Variants in LRRC51 observed in about 807,000 individuals in gnomAD.
LRRC51 encodes leucine rich repeat containing 51.
LRRC51 carries 8 observed loss-of-function variants against 17.8 expected under a neutral mutation model. That is an observed-to-expected ratio of 0.45 (90% CI 0.26 to 0.81). The LOEUF (loss-of-function observed/expected upper bound fraction) is 0.81, where lower values mean the gene tolerates loss of function less well. Ranked by LOEUF, LRRC51 falls within the 30% of genes least tolerant of loss-of-function variation. The pLI is 0.17. For synonymous variants in LRRC51, 92 were observed against 96.0 expected (o/e 0.96, Z 0.24); for missense variants, 233 against 239.3 (o/e 0.97, Z 0.17).
chr11:72,095,155 G>A (rs1945110713), intron 5 of LRRC51, 59 bp downstream of exon 5: 4 of 1,597,146 alleles, frequency 2.5e-6, no homozygotes, highest in Non-Finnish European at 2.6e-6. Context: ...GAAAGGAGGA[G>A]GAGAAACAAG....
At position 72,088,337 on chromosome 11, in the gene LRRC51, C is replaced by G. The variant is rs942760020; in HGVS notation, c.-99C>G. The G allele has an allele frequency of 1.4e-6, 1 of 702,340 alleles. No individual in the cohort carries two copies. Among genetic ancestry groups the G allele is most frequent in the Non-Finnish European group, 2.6e-6 (1 of 384,920 alleles). 43.5% of individuals were successfully genotyped at this position (702,340 alleles called of 1,614,324 possible). A position where few individuals can be genotyped will look rare whatever the true frequency, so the allele number is the denominator to read the frequency against. On this transcript the variant is annotated 5_prime_UTR_variant, in exon 2 of 6. Transcript: ENST00000289488. ...TAACCGGAAACAATCCCTGAACCCA[C>G]AGGAATGAATGCCTAATGGTGGAGT...
Position 72,093,665 on chromosome 11 carries a change from C to T in LRRC51, c.252C>T (p.Ile84=), listed in dbSNP as rs779340429. ...AGCACCCAGAGAACCTGGCCTGGATCGACCTGTCCTTTAATGACCTGACTT... is the reference window on the plus strand; with the variant it reads ...AGCACCCAGAGAACCTGGCCTGGATTGACCTGTCCTTTAATGACCTGACTT... The part of the protein sequence containing the change: ...LLEHPENLAW[I]DLSFNDLTSI... The change falls in exon 4 of 6, where the codon ATC becomes ATT. Residue 84 remains isoleucine (I), a synonymous_variant. Transcript: ENST00000289488. 3.7e-6 allele frequency: 6 copies of T among 1,614,038 alleles called. No individual in the cohort carries two copies. In the South Asian group the frequency reaches 5.5e-5, roughly 15 times the overall value.
Position 72,096,688 on chromosome 11 carries a change from T to C in LRRC51, c.*1168T>C. The C allele has an allele frequency of 6.5e-7, 1 of 1,547,686 alleles. No individual in the cohort carries two copies. The highest frequency in any genetic ancestry group is 8.7e-7 in the Non-Finnish European group (1 of 1,145,084). On this transcript the variant is annotated 3_prime_UTR_variant, in exon 6 of 6. Transcript: ENST00000289488. ...ACTTTTCAGCTTAGAGATTTGGGGG[T>C]TAAAGTAGATCAGTAATTTCCAAAC... is the stretch of plus-strand genomic sequence containing the variant.
chr11:72,086,975 T>C (rs1944566451), intron 1 of LRRC51, among the ~76,000 whole-genome samples: 1 of 152,206 alleles, frequency 6.6e-6, no homozygotes, highest in African/African-American at 2.4e-5. Context: ...CCTCTATTTT[T>C]ACAAAAGAAT....
chr11:72,084,757 A>G (rs1944425754), intron 1 of LRRC51, among the ~76,000 whole-genome samples: 2 of 150,736 alleles, frequency 1.3e-5, no homozygotes, highest in South Asian at 4.3e-4. Flanking sequence ...GGATTGCCTC[A>G]GCCCAGGAGG....
intron 4 of LRRC51, 107 bp downstream of exon 4, chr11:72,093,808 G>A (rs1945000505): frequency 2.8e-6 from 3 of 1,090,190 alleles, no homozygotes; most frequent in Admixed American, 1.7e-5. Context: ...GAGGCAGCAT[G>A]GTACAGTCCA....
At position 72,096,608 on chromosome 11, in the gene LRRC51, C is replaced by A. The variant is rs1162714621; in HGVS notation, c.*1088C>A. ...GCCTGCTGGCCTGGGACACTGGAGA[C>A]GTGGGTTTACCACACAGCCTTGGGA... is the stretch of plus-strand genomic sequence containing the variant. On this transcript the variant is annotated 3_prime_UTR_variant, in exon 6 of 6. Coordinates refer to ENST00000289488, the MANE Select transcript of LRRC51 (RefSeq NM_145309.6). 6 of 1,480,158 alleles carry A rather than the reference C, an allele frequency of 4.1e-6. No individual in the cohort carries two copies. The African/African-American group carries it at 7.1e-5, about 18-fold the overall frequency. The allele number at this position is 1,480,158 out of a possible 1,614,324, so 91.7% of individuals were successfully genotyped here.
chr11:72,087,901 A>G (rs766364787), intron 1 of LRRC51, among the ~76,000 whole-genome samples: 7 of 151,496 alleles, frequency 4.6e-5, no homozygotes, highest in Non-Finnish European at 8.9e-5. Context: ...TTGTGACATT[A>G]TATTTCTAGT....
chr11:72,091,470 G>A (rs1944855926), intron 3 of LRRC51, among the ~76,000 whole-genome samples: 1 of 152,066 alleles, frequency 6.6e-6, no homozygotes, highest in Non-Finnish European at 1.5e-5. Context: ...AGGAGGAGGA[G>A]AGGTGGGGGT....
chr11:72,093,662 G>C lies in LRRC51; in HGVS notation c.249G>C (p.Trp83Cys), dbSNP rs543011314. 6.2e-7 allele frequency: 1 copy of C among 1,614,026 alleles called. No individual in the cohort carries two copies. Among genetic ancestry groups the C allele is most frequent in the Non-Finnish European group, 8.5e-7 (1 of 1,180,000 alleles). ...TGGAGCACCCAGAGAACCTGGCCTG[G>C]ATCGACCTGTCCTTTAATGACCTGA... is the stretch of plus-strand genomic sequence containing the variant. Reference protein sequence around the residue: ...QLLEHPENLAWIDLSFNDLTS... With the variant: ...QLLEHPENLACIDLSFNDLTS... The change falls in exon 4 of 6, where the codon TGG (tryptophan) becomes TGC (cysteine). Residue 83 changes from tryptophan to cysteine, a missense_variant. Transcript: ENST00000289488.
intron 4 of LRRC51, chr11:72,094,657 A>G (rs1375878057): frequency 1.4e-6 from 1 of 699,988 alleles, no homozygotes; most frequent in Non-Finnish European, 2.6e-6. Flanking sequence ...CAAAGCTGGA[A>G]AGGTCTTCAG....
In LRRC51 at chr11:72,093,525, C is replaced by G. The variant is rs1944984643; in HGVS notation, c.112C>G (p.Leu38Val). ...DLVNEEPRTG[L>V]RPLKRSKSGK... ...GGTAAATGAGGAGCCAAGGACAGGA[C>G]TACGACCACTGAAGCGTTCAAAGTC... Residue 38 changes from leucine to valine, a missense_variant, in exon 4 of 6, where the codon CTA becomes GTA. Leu to Val is a conservative substitution (Grantham distance 32). Transcript: ENST00000289488. The G allele has an allele frequency of 6.2e-7, 1 of 1,613,978 alleles. No individual in the cohort carries two copies. The highest frequency in any genetic ancestry group is 1.3e-5 in the African/African-American group (1 of 75,054).
chr11:72,093,662 G>T lies in LRRC51; in HGVS notation c.249G>T (p.Trp83Cys). The change falls in exon 4 of 6, where the codon TGG (tryptophan) becomes TGT (cysteine). Residue 83 changes from tryptophan to cysteine, a missense_variant. Coordinates refer to ENST00000289488, the MANE Select transcript of LRRC51 (RefSeq NM_145309.6). ...QLLEHPENLA[W>C]IDLSFNDLTS... ...TGGAGCACCCAGAGAACCTGGCCTG[G>T]ATCGACCTGTCCTTTAATGACCTGA... 6.2e-7 allele frequency: 1 copy of T among 1,614,144 alleles called. No individual in the cohort carries two copies. The highest frequency in any genetic ancestry group is 8.5e-7 in the Non-Finnish European group (1 of 1,179,992).
chr11:72,093,793 G>C (rs1944999623), intron 4 of LRRC51, 92 bp downstream of exon 4: 2 of 1,199,222 alleles, frequency 1.7e-6, no homozygotes, highest in African/African-American at 3.0e-5. Context: ...TATCAAGGAA[G>C]TAATGAGGCA....
rs1414701051 is a variant in LRRC51 at position 72,089,661 on chromosome 11, G to T, written c.82+496G>T. 1.9e-5 allele frequency: 20 copies of T among 1,031,146 alleles called. No homozygotes were observed. The East Asian group carries it at 5.2e-4, about 27-fold the overall frequency. 63.9% of individuals were successfully genotyped at this position (1,031,146 alleles called of 1,614,324 possible). ...TAATCTGACTGGCCAAACATGAGGG[G>T]TCTTATCTACAAACTGGCATATTTC... On this transcript the variant is annotated intron_variant, in intron 3 of 5. Transcript: ENST00000289488.
At chr11:72,094,676 C>A in intron 4 of LRRC51, 1 of 707,474 alleles carries the variant, frequency 1.4e-6, no homozygotes, top group Non-Finnish European at 2.5e-6. Context: ...AGTGAAGGGG[C>A]AACTAAGGCT....
At chr11:72,089,368 C>T (rs1367039809) in intron 3 of LRRC51, 2 of 1,486,446 alleles carry the variant, frequency 1.3e-6, no homozygotes, top group African/African-American at 2.8e-5. Flanking sequence ...CCCGATACAG[C>T]CCCAGGAGAT....
chr11:72,095,124 T>A (rs879514693), intron 5 of LRRC51, 28 bp downstream of exon 5: 2 of 1,610,664 alleles, frequency 1.2e-6, no homozygotes, highest in Non-Finnish European at 1.7e-6. Flanking sequence ...GGAGGTAGCG[T>A]CTAGCTGGGC....
At chr11:72,091,593 G>C (rs907861496) in intron 3 of LRRC51, among the ~76,000 whole-genome samples, 7 of 152,140 alleles carry the variant, frequency 4.6e-5, no homozygotes, top group African/African-American at 1.4e-4. Context: ...GGAACCAAAG[G>C]CTTAGCAGCA....
Sources: gnomAD v4.1 joint callset for allele counts (sites outside exome capture counted in the v4.1 genomes callset) on GRCh38, gnomAD v4.1.1 for gene constraint, MANE v1.5 for transcripts, NCBI Gene and HGNC (gene_info 2026-07-23, HGNC 2026-07-21) for gene names.